Variants in MRPS28 observed in about 807,000 individuals in gnomAD.
MRPS28 encodes mitochondrial ribosomal protein S28, also known as small ribosomal subunit protein bS1m.
In MRPS28, 7 loss-of-function variants were observed where a neutral mutation model predicts 10.8. The observed-to-expected ratio is 0.65, with a 90% CI of 0.37 to 1.22. The LOEUF (loss-of-function observed/expected upper bound fraction) is 1.22, where lower values mean the gene tolerates loss of function less well. Among genes scored for constraint, MRPS28 ranks in the 50% most tolerant of loss-of-function variants. MRPS28 has a pLI of 0.02. For synonymous variants in MRPS28, 121 were observed against 93.3 expected (o/e 1.30, Z -1.71); for missense variants, 265 against 232.9 (o/e 1.14, Z -0.90).
rs570011595 is a variant in MRPS28, at chr8:79,964,570, C to T, written c.395+38429G>A. Among the ~76,000 whole-genome samples, 6 of 152,132 alleles carry T rather than the reference C, an allele frequency of 3.9e-5. No homozygotes were observed. In the South Asian group the frequency reaches 1.2e-3, roughly 31 times the overall value. Reference sequence around the variant, plus strand: ...TTAGACTATGTTCAAATTCTGGTTCCACCAATTACTAGCTGTATGATCTTA... The same window carrying T: ...TTAGACTATGTTCAAATTCTGGTTCTACCAATTACTAGCTGTATGATCTTA... On this transcript the variant is annotated intron_variant, in intron 2 of 2. Transcript: ENST00000276585.
chr8:80,008,228 A>G (rs1808920655), intron 1 of MRPS28, among the ~76,000 whole-genome samples: 1 of 152,232 alleles, frequency 6.6e-6, no homozygotes, highest in African/African-American at 2.4e-5. Context: ...ATATGTAGAA[A>G]GCTGAAAGTG....
chr8:80,009,584 C>G lies in MRPS28; in HGVS notation c.214-6404G>C, dbSNP rs538892171. On this transcript the variant is annotated intron_variant, in intron 1 of 2. Transcript: ENST00000276585. Reference sequence around the variant, plus strand: ...TGAGCCGAGATCACGCCATTTCACTCCAGCCTGGGCAACAAGAGCCAAACT... The same window carrying G: ...TGAGCCGAGATCACGCCATTTCACTGCAGCCTGGGCAACAAGAGCCAAACT... Among the ~76,000 whole-genome samples, 36 of 151,932 alleles carry G rather than the reference C, an allele frequency of 2.4e-4. No individual in the cohort carries two copies. The Middle Eastern group carries it at 0.01, about 43-fold the overall frequency.
rs2130190740 is a variant in MRPS28, at chr8:80,009,912, C to T, written c.214-6732G>A. Among the ~76,000 whole-genome samples, 3 of 152,262 alleles carry T rather than the reference C, an allele frequency of 2.0e-5. No individual in the cohort carries two copies. The South Asian group carries it at 6.2e-4, about 32-fold the overall frequency. ...TTCTTTTAATACAAATGTAAATATACATTAAGATAAAAACAATTAAGAGCC... is the reference window on the plus strand; with the variant it reads ...TTCTTTTAATACAAATGTAAATATATATTAAGATAAAAACAATTAAGAGCC... On this transcript the variant is annotated intron_variant, in intron 1 of 2. Coordinates refer to ENST00000276585, the MANE Select transcript of MRPS28 (RefSeq NM_014018.3).
At chr8:80,022,639 TTA>T (rs1809396821) in intron 1 of MRPS28, among the ~76,000 whole-genome samples, 3 of 152,230 alleles carry the variant, frequency 2.0e-5, no homozygotes, top group African/African-American at 7.2e-5. Context: ...TCAAGACTAT[TTA>T]GTTTTATTCC....
chr8:79,985,026 T>G (rs1296307876), intron 2 of MRPS28, among the ~76,000 whole-genome samples: 2 of 152,142 alleles, frequency 1.3e-5, no homozygotes, highest in African/African-American at 4.8e-5. Flanking sequence ...TAGTTGGAAG[T>G]AAAGCTCTCC....
chr8:79,975,105 T>C (rs188420654), intron 2 of MRPS28, among the ~76,000 whole-genome samples: 1 of 152,088 alleles, frequency 6.6e-6, no homozygotes, highest in East Asian at 1.9e-4. Context: ...GGAAACATAG[T>C]GAGACAACCC....
At chr8:79,978,656 T>G (rs1807865207) in intron 2 of MRPS28, among the ~76,000 whole-genome samples, 1 of 152,222 alleles carries the variant, frequency 6.6e-6, no homozygotes, top group Admixed American at 6.5e-5. Context: ...AAAGAGAATT[T>G]GGATTATGAT....
At chr8:79,959,958 C>CT (rs1413650246) in intron 2 of MRPS28, among the ~76,000 whole-genome samples, 2 of 152,150 alleles carry the variant, frequency 1.3e-5, no homozygotes, top group Non-Finnish European at 1.5e-5. Context: ...CGTCTCAACA[C>CT]TGCCAAATCT....
intron 1 of MRPS28, among the ~76,000 whole-genome samples, chr8:80,012,814 C>T (rs1809090051): frequency 1.3e-5 from 2 of 152,124 alleles, no homozygotes; most frequent in South Asian, 2.1e-4. Context: ...ATTCATCAAA[C>T]ATGTGTTGTC....
chr8:79,942,619 G>C (rs2129937296), intron 2 of MRPS28, among the ~76,000 whole-genome samples: 1 of 152,308 alleles, frequency 6.6e-6, no homozygotes, highest in Middle Eastern at 3.4e-3. Context: ...TTATGGGTCA[G>C]TGTGAATTTA....
At chr8:79,962,499 A>C (rs1045728759) in intron 2 of MRPS28, among the ~76,000 whole-genome samples, 4 of 152,160 alleles carry the variant, frequency 2.6e-5, no homozygotes, top group Non-Finnish European at 4.4e-5. Context: ...AGTATCAAAA[A>C]ATTAGAAAAA....
intron 2 of MRPS28, among the ~76,000 whole-genome samples, chr8:79,971,133 G>T (rs1444413078): frequency 6.6e-6 from 1 of 152,168 alleles, no homozygotes; most frequent in Non-Finnish European, 1.5e-5. Flanking sequence ...ATGCATATTT[G>T]TTGACAGCTG....
chr8:79,919,184 G>C, intron 2 of MRPS28, 36 bp from the exon 3 acceptor site: 1 of 1,489,192 alleles, frequency 6.7e-7, no homozygotes, highest in Non-Finnish European at 9.0e-7. Flanking sequence ...CATTAATTCT[G>C]AATATCATAA....
rs371903344 is a variant in MRPS28, at chr8:79,962,359, A to G, written c.395+40640T>C. Among the ~76,000 whole-genome samples the G allele has an allele frequency of 3.3e-5, 5 of 152,268 alleles. No homozygotes were observed. In the South Asian group the frequency reaches 6.2e-4, roughly 19 times the overall value. ...TATGAGCTAAGTAAGCCCTGCTTACAGGACTCTGGTTCAAAGGGCAGAATA... is the reference window on the plus strand; with the variant it reads ...TATGAGCTAAGTAAGCCCTGCTTACGGGACTCTGGTTCAAAGGGCAGAATA... On this transcript the variant is annotated intron_variant, in intron 2 of 2. Coordinates refer to ENST00000276585, the MANE Select transcript of MRPS28 (RefSeq NM_014018.3).
intron 2 of MRPS28, among the ~76,000 whole-genome samples, chr8:79,979,915 CAAAAA>C (rs61633169): frequency 0.016 from 505 of 31,250 alleles, 2 homozygotes; most frequent in Non-Finnish European, 0.026. Context: ...GATTCTCACG[CAAAAA>C]AAAAAAAAAA....
intron 2 of MRPS28, among the ~76,000 whole-genome samples, chr8:79,965,490 T>C (rs1259763109): frequency 6.6e-6 from 1 of 152,184 alleles, no homozygotes; most frequent in East Asian, 1.9e-4. Flanking sequence ...CACAGTAGTC[T>C]CATAAATGAT....
intron 1 of MRPS28, among the ~76,000 whole-genome samples, chr8:80,013,462 C>G (rs1347853710): frequency 1.3e-5 from 2 of 151,650 alleles, no homozygotes; most frequent in Non-Finnish European, 2.9e-5. Context: ...TGGGGAAACC[C>G]TGTCTCTACT....
intron 2 of MRPS28, among the ~76,000 whole-genome samples, chr8:79,960,659 A>C (rs1261853201): frequency 1.3e-5 from 2 of 151,970 alleles, no homozygotes; most frequent in African/African-American, 2.4e-5. Context: ...GTTAGGATTT[A>C]AAGAAAAGTG....
chr8:79,918,858 T>C lies in MRPS28; in HGVS notation c.*122A>G, dbSNP rs534943485. The C allele has an allele frequency of 2.8e-4, 200 of 724,122 alleles. No individual in the cohort carries two copies. The South Asian group carries it at 5.3e-3, about 19-fold the overall frequency. 44.9% of individuals were successfully genotyped at this position (724,122 alleles called of 1,614,324 possible). A position where few individuals can be genotyped will look rare whatever the true frequency, so the allele number is the denominator to read the frequency against. ...CTAAAGAAAATTCTAATAAGAGTTA[T>C]CTATAATTATAGCTTTTATTTATTA... On this transcript the variant is annotated 3_prime_UTR_variant, in exon 3 of 3. Transcript: ENST00000276585.
Sources: allele counts gnomAD v4.1 joint callset (sites outside exome capture counted in the v4.1 genomes callset), GRCh38; gene constraint gnomAD v4.1.1; transcripts MANE v1.5; gene names NCBI Gene and HGNC (gene_info 2026-07-23, HGNC 2026-07-21).